The following BAZ2B variants were observed in gnomAD, a reference collection of about 807,000 sequenced individuals.
BAZ2B encodes the protein bromodomain adjacent to zinc finger domain protein 2B.
A neutral mutation model predicts 246.0 loss-of-function variants in BAZ2B; 91 were observed. That is an observed-to-expected ratio of 0.37 (90% CI 0.31 to 0.44). BAZ2B has a LOEUF of 0.44. Ranked by LOEUF, BAZ2B falls within the 20% of genes least tolerant of loss-of-function variation. The probability of loss-of-function intolerance (pLI) is 1.00; values close to 1 mark genes in which losing one functional copy is unlikely to be tolerated. For missense variants in BAZ2B, 2,332 were observed against 2,533.7 expected (o/e 0.92, Z 1.71); for synonymous variants, 855 against 860.0 (o/e 0.99, Z 0.10).
intron 2 of BAZ2B, among the ~76,000 whole-genome samples, chr2:159,488,430 C>G (rs566610252): frequency 2.6e-5 from 4 of 152,174 alleles, no homozygotes; most frequent in Admixed American, 2.6e-4. Context: ...ATGGATATCC[C>G]ATTTACCCTG....
At chr2:159,639,375 T>C in the BAZ2B span, among the ~76,000 whole-genome samples, 1 of 151,972 alleles carries the variant, frequency 6.6e-6, no homozygotes, top group Non-Finnish European at 1.5e-5. Context: ...GGTAAGCACA[T>C]AAAAAAACCC....
chr2:159,327,932 G>A (rs1013593450), intron 34 of BAZ2B, among the ~76,000 whole-genome samples: 1 of 151,994 alleles, frequency 6.6e-6, no homozygotes, highest in Admixed American at 6.6e-5. Flanking sequence ...GGGTGTGGTG[G>A]TGCACACCTG....
chr2:159,527,865 G>C (rs1219763601), intron 2 of BAZ2B, among the ~76,000 whole-genome samples: 1 of 152,166 alleles, frequency 6.6e-6, no homozygotes, highest in Non-Finnish European at 1.5e-5. Context: ...GGAAGAGCTT[G>C]AGAGTGTTTC....
At position 159,448,350 on chromosome 2, in the gene BAZ2B, G is replaced by A. The variant is rs1559460801; in HGVS notation, c.394C>T (p.Pro132Ser). ...AATAGTGGTGGAATTCCCAGTAATGGTGGAAAGAAGGTTGCTCCTGTACGA... is the reference window on the plus strand; with the variant it reads ...AATAGTGGTGGAATTCCCAGTAATGATGGAAAGAAGGTTGCTCCTGTACGA... Reference protein sequence around the residue: ...HTRTGATFFPPLLGIPPLFAP... With the variant: ...HTRTGATFFPSLLGIPPLFAP... Residue 132 changes from proline to serine, a missense_variant, in exon 5 of 37, where the codon CCA becomes TCA. By Grantham distance (74) the Pro-to-Ser change is moderately conservative. This residue lies in a region of BAZ2B where 242 missense variants were observed against 237.4 expected (regional missense o/e 1.02). Transcript: ENST00000392783. 2 of 1,613,196 alleles carry A rather than the reference G, an allele frequency of 1.2e-6. No homozygotes were observed. Among genetic ancestry groups the A allele is most frequent in the Non-Finnish European group, 1.7e-6 (2 of 1,179,766 alleles).
chr2:159,346,960 T>G (rs1396269309), intron 31 of BAZ2B, among the ~76,000 whole-genome samples: 1 of 152,178 alleles, frequency 6.6e-6, no homozygotes, highest in Non-Finnish European at 1.5e-5. Flanking sequence ...TATGTGTGCA[T>G]GTGTCAGTAT....
chr2:159,359,641 C>A (rs1410570585), intron 27 of BAZ2B, among the ~76,000 whole-genome samples: 2 of 151,984 alleles, frequency 1.3e-5, no homozygotes, highest in African/African-American at 4.8e-5. Flanking sequence ...CAAAACCTGG[C>A]AGAAACACAA....
the BAZ2B span, among the ~76,000 whole-genome samples, chr2:159,703,720 T>A: frequency 1.3e-5 from 2 of 151,572 alleles, no homozygotes; most frequent in Non-Finnish European, 2.9e-5. Flanking sequence ...CCTGTCACTA[T>A]AGAAAATACA....
intron 27 of BAZ2B, among the ~76,000 whole-genome samples, chr2:159,364,545 T>G (rs1364192871): frequency 2.0e-5 from 3 of 152,214 alleles, no homozygotes; most frequent in Middle Eastern, 3.4e-3. Flanking sequence ...CCTGGCTAAT[T>G]TTTCTGTAGA....
intron 2 of BAZ2B, among the ~76,000 whole-genome samples, chr2:159,503,370 G>T (rs1401688039): frequency 6.6e-6 from 1 of 151,992 alleles, no homozygotes; most frequent in Non-Finnish European, 1.5e-5. Context: ...CATGATGTTT[G>T]TTCTCCCTCA....
At chr2:159,703,484 C>T in the BAZ2B span, among the ~76,000 whole-genome samples, 1 of 26,964 alleles carries the variant, frequency 3.7e-5, no homozygotes, top group Non-Finnish European at 7.1e-5. Flanking sequence ...ATAATCACTT[C>T]TACCCCCCGC....
intron 2 of BAZ2B, among the ~76,000 whole-genome samples, chr2:159,481,714 C>G (rs543675639): frequency 3.3e-5 from 5 of 151,424 alleles, no homozygotes; most frequent in African/African-American, 4.9e-5. Context: ...AGACACCACA[C>G]AGACCCAAAT....
chr2:159,480,722 C>A (rs967165324), intron 2 of BAZ2B, among the ~76,000 whole-genome samples: 1 of 151,790 alleles, frequency 6.6e-6, no homozygotes, highest in Non-Finnish European at 1.5e-5. Flanking sequence ...TAGGCTGGGG[C>A]CTTTTTTAGT....
At chr2:159,400,825 G>A (rs1412921256) in intron 16 of BAZ2B, among the ~76,000 whole-genome samples, 161 bp from the exon 17 acceptor site, 1 of 152,100 alleles carries the variant, frequency 6.6e-6, no homozygotes, top group East Asian at 1.9e-4. Context: ...CGGATCACAA[G>A]GTCAGGAGAT....
At chr2:159,489,559 T>G (rs2080215801) in intron 2 of BAZ2B, among the ~76,000 whole-genome samples, 1 of 152,100 alleles carries the variant, frequency 6.6e-6, no homozygotes, top group Non-Finnish European at 1.5e-5. Flanking sequence ...ACCTAAAGAT[T>G]CAAGAAGATG....
At chr2:159,563,742 T>C (rs1405082610) in intron 1 of BAZ2B, among the ~76,000 whole-genome samples, 1 of 152,170 alleles carries the variant, frequency 6.6e-6, no homozygotes, top group Non-Finnish European at 1.5e-5. Context: ...GTAATGGTTG[T>C]ACAACAATAT....
rs551990263 is a variant in BAZ2B, at chr2:159,320,554, A to G, written c.6354-136T>C. The G allele has an allele frequency of 1.8e-5, 12 of 668,400 alleles. No homozygotes were observed. In the African/African-American group the frequency reaches 2.3e-4, roughly 13 times the overall value. The allele number at this position is 668,400 out of a possible 1,614,324, so 41.4% of individuals were successfully genotyped here. A position where few individuals can be genotyped will look rare whatever the true frequency, so the allele number is the denominator to read the frequency against. ...CATTTAAATTGATATAAAATACATG[A>G]TATCCTCTTACAAATGGAACATTTA... On this transcript the variant is annotated intron_variant, in intron 36 of 36. Coordinates refer to ENST00000392783, the MANE Select transcript of BAZ2B (RefSeq NM_013450.4).
chr2:159,475,163 C>T (rs540297779), intron 3 of BAZ2B, among the ~76,000 whole-genome samples: 1 of 152,230 alleles, frequency 6.6e-6, no homozygotes, highest in South Asian at 2.1e-4. Flanking sequence ...AACTTGGTTC[C>T]GTTCTCTTTG....
Position 159,507,871 on chromosome 2 carries a change from G to A in BAZ2B, c.-2-29150C>T, listed in dbSNP as rs142866191. ...TTTGAAATAAAAATAACAGCACTACGTAAGTTACTTATTTATTTATTTAGA... is the reference window on the plus strand; with the variant it reads ...TTTGAAATAAAAATAACAGCACTACATAAGTTACTTATTTATTTATTTAGA... On this transcript the variant is annotated intron_variant, in intron 2 of 36. Transcript: ENST00000392783. Among the ~76,000 whole-genome samples the A allele has an allele frequency of 8.9e-3, 1,354 of 152,172 alleles. 11 individuals carry two copies. The highest frequency in any genetic ancestry group is 0.022 in the South Asian group (107 of 4,820).
Position 159,569,063 on chromosome 2 carries a change from T to G in BAZ2B, c.-45-13198A>C, listed in dbSNP as rs375650239. On this transcript the variant is annotated intron_variant, in intron 1 of 36. Coordinates refer to ENST00000392783, the MANE Select transcript of BAZ2B (RefSeq NM_013450.4). ...ACTAAATAACAGTTAATAGATGTGA[T>G]CCATTCCATAACAAATTATGCCTTG... Among the ~76,000 whole-genome samples, 4 of 152,284 alleles carry G rather than the reference T, an allele frequency of 2.6e-5. No homozygotes were observed. The East Asian group carries it at 7.7e-4, about 29-fold the overall frequency.
Sources: gnomAD v4.1 joint callset for allele counts (sites outside exome capture counted in the v4.1 genomes callset) on GRCh38, gnomAD v4.1.1 for gene constraint, gnomAD v4.1.1 regional missense constraint, MANE v1.5 for transcripts, NCBI Gene and HGNC (gene_info 2026-07-23, HGNC 2026-07-21) for gene names.